CNTN5: variants seen among roughly 807,000 people sequenced by gnomAD.
The protein encoded by CNTN5 is contactin-5.
CNTN5 carries 77 observed loss-of-function variants against 129.1 expected under a neutral mutation model. The observed-to-expected ratio is 0.60, with a 90% CI of 0.50 to 0.72. The LOEUF (loss-of-function observed/expected upper bound fraction) is 0.72. CNTN5 is among the 30% of genes least tolerant of loss of function. The probability of loss-of-function intolerance (pLI) is 0.00; values close to 1 mark genes in which losing one functional copy is unlikely to be tolerated. For synonymous variants in CNTN5, 509 were observed against 465.6 expected, an observed-to-expected ratio of 1.09 and a Z score of -1.20; for missense variants, 1,478 against 1,328.8, an observed-to-expected ratio of 1.11 and a Z score of -1.75.
At chr11:100,340,226 AG>A (rs766937198) in intron 21 of CNTN5, among the ~76,000 whole-genome samples, 41 of 152,328 alleles carry the variant, frequency 2.7e-4, no homozygotes, top group Non-Finnish European at 4.9e-4. Context: ...ACAAAGTAGC[AG>A]GTTTTGTTGT....
At chr11:100,030,031 T>C (rs754291513) in intron 9 of CNTN5, among the ~76,000 whole-genome samples, 1 of 152,162 alleles carries the variant, frequency 6.6e-6, no homozygotes, top group Non-Finnish European at 1.5e-5. Context: ...TGTTCTGTGC[T>C]CTACTTTGAA....
intron 1 of CNTN5, among the ~76,000 whole-genome samples, chr11:99,178,416 G>A (rs1392494584): frequency 6.6e-6 from 1 of 151,292 alleles, no homozygotes; most frequent in Non-Finnish European, 1.5e-5. Context: ...AGCTATTCAG[G>A]AGCCTAATGT....
chr11:99,668,598 G>T (rs745817134), intron 3 of CNTN5, among the ~76,000 whole-genome samples: 13 of 152,078 alleles, frequency 8.5e-5, no homozygotes, highest in Non-Finnish European at 1.5e-5. Flanking sequence ...ACTAGTTATC[G>T]CTACCACATT....
At chr11:100,252,325 C>T (rs932976244) in intron 16 of CNTN5, among the ~76,000 whole-genome samples, 2 of 152,116 alleles carry the variant, frequency 1.3e-5, no homozygotes, top group African/African-American at 2.4e-5. Flanking sequence ...TCCCCTTTCA[C>T]GTGAATAGTC....
chr11:99,975,914 CA>C (rs1387771273), intron 8 of CNTN5, among the ~76,000 whole-genome samples: 3 of 152,154 alleles, frequency 2.0e-5, no homozygotes, highest in Non-Finnish European at 4.4e-5. Context: ...CAGCATTACT[CA>C]AAAGTCCAAT....
intron 1 of CNTN5, among the ~76,000 whole-genome samples, chr11:99,301,472 A>T (rs903339023): frequency 1.3e-5 from 2 of 151,776 alleles, no homozygotes; most frequent in African/African-American, 4.8e-5. Flanking sequence ...TAATTATAAG[A>T]CAAATATTGT....
At chr11:99,090,241 G>A (rs1291510376) in intron 1 of CNTN5, among the ~76,000 whole-genome samples, 2 of 151,542 alleles carry the variant, frequency 1.3e-5, no homozygotes, top group Non-Finnish European at 2.9e-5. Context: ...TTTTTAATGC[G>A]AATTTTTTTC....
At chr11:99,547,003 CTTT>C (rs59675284) in intron 2 of CNTN5, among the ~76,000 whole-genome samples, 8 of 128,636 alleles carry the variant, frequency 6.2e-5, no homozygotes, top group Admixed American at 8.3e-5. Flanking sequence ...AAATTATTTT[CTTT>C]TTTTTTTTTT....
At chr11:100,011,382 C>G (rs535277595) in intron 9 of CNTN5, among the ~76,000 whole-genome samples, 1 of 152,230 alleles carries the variant, frequency 6.6e-6, no homozygotes, top group South Asian at 2.1e-4. Context: ...AAAACAACAT[C>G]AGTTTATCCA....
intron 9 of CNTN5, among the ~76,000 whole-genome samples, chr11:100,019,738 A>G (rs567321079): frequency 1.3e-5 from 2 of 151,982 alleles, no homozygotes; most frequent in South Asian, 4.1e-4. Context: ...TAGTGGTTTT[A>G]TTTTTAGTTT....
intron 6 of CNTN5, among the ~76,000 whole-genome samples, chr11:99,912,733 C>T (rs1013893197): frequency 2.7e-5 from 4 of 150,878 alleles, no homozygotes; most frequent in African/African-American, 7.3e-5. Flanking sequence ...TCTTTTAAAC[C>T]CTGTGTGAGC....
rs1947464994 is a variant in CNTN5, at chr11:99,525,895, A to G, written c.-70-30250A>G. Among the ~76,000 whole-genome samples, 8 of 152,358 alleles carry G rather than the reference A, an allele frequency of 5.3e-5. No homozygotes were observed. The South Asian group carries it at 1.7e-3, about 32-fold the overall frequency. Reference sequence around the variant, plus strand: ...GATGATTATCAATCCTATTGCTTTGAAAGGCACAAAACAAACACTGACATG... The same window carrying G: ...GATGATTATCAATCCTATTGCTTTGGAAGGCACAAAACAAACACTGACATG... On this transcript the variant is annotated intron_variant, in intron 2 of 24. Coordinates refer to ENST00000524871, the MANE Select transcript of CNTN5 (RefSeq NM_014361.4).
chr11:99,994,440 G>A (rs4568974), intron 8 of CNTN5, among the ~76,000 whole-genome samples: 57,329 of 151,852 alleles, frequency 0.38, 12,298 homozygotes, highest in African/African-American at 0.59. Flanking sequence ...AGCTTTGGAG[G>A]TTGAAGTCCC....
chr11:99,157,711 C>T (rs1860402735), intron 1 of CNTN5, among the ~76,000 whole-genome samples: 2 of 152,116 alleles, frequency 1.3e-5, no homozygotes, highest in African/African-American at 4.8e-5. Context: ...CTACATTTCT[C>T]AGTATGATTA....
At chr11:99,065,405 T>C (rs542025561) in intron 1 of CNTN5, among the ~76,000 whole-genome samples, 4 of 152,150 alleles carry the variant, frequency 2.6e-5, no homozygotes, top group Non-Finnish European at 5.9e-5. Context: ...CAGAAAGGAA[T>C]GTATAAGCAC....
At chr11:99,346,469 G>T (rs115715988) in intron 2 of CNTN5, among the ~76,000 whole-genome samples, 1 of 152,082 alleles carries the variant, frequency 6.6e-6, no homozygotes, top group Non-Finnish European at 1.5e-5. Context: ...TGATTACTTC[G>T]CCATCCCTGG....
chr11:99,581,629 G>T lies in CNTN5; in HGVS notation c.55+25360G>T, dbSNP rs61911113. Among the ~76,000 whole-genome samples, 3 of 151,990 alleles carry T rather than the reference G, an allele frequency of 2.0e-5. No individual in the cohort carries two copies. In the East Asian group the frequency reaches 5.8e-4, roughly 29 times the overall value. ...TTTGATCTTTGTTGGTTTAAAGTCC[G>T]TTTTATCCGAGACTAGGATTGCAAC... On this transcript the variant is annotated intron_variant, in intron 3 of 24. Transcript: ENST00000524871.
At chr11:99,567,561 A>T (rs1277172626) in intron 3 of CNTN5, among the ~76,000 whole-genome samples, 2 of 152,266 alleles carry the variant, frequency 1.3e-5, no homozygotes, top group South Asian at 2.1e-4. Flanking sequence ...TGTCACTGCC[A>T]GTTAGTGCTG....
chr11:99,710,112 T>C (rs1954910996), intron 3 of CNTN5, among the ~76,000 whole-genome samples: 1 of 151,922 alleles, frequency 6.6e-6, no homozygotes, highest in African/African-American at 2.4e-5. Flanking sequence ...TTGCTAATTT[T>C]ATCCCTGAAC....
Sources: gnomAD v4.1 joint callset for allele counts (sites outside exome capture counted in the v4.1 genomes callset) on GRCh38, gnomAD v4.1.1 for gene constraint, MANE v1.5 for transcripts, NCBI Gene and HGNC (gene_info 2026-07-23, HGNC 2026-07-21) for gene names.